Variants in JAZF1 observed in about 807,000 individuals in gnomAD.
JAZF1 encodes juxtaposed with another zinc finger protein 1.
JAZF1 carries 8 observed loss-of-function variants against 26.4 expected under a neutral mutation model. The observed-to-expected ratio is 0.30, with a 90% CI of 0.18 to 0.55. The LOEUF (loss-of-function observed/expected upper bound fraction) is 0.55, where lower values mean the gene tolerates loss of function less well. Ranked by LOEUF, JAZF1 falls within the 20% of genes least tolerant of loss-of-function variation. The pLI, the probability that JAZF1 is intolerant of heterozygous loss-of-function variation, is 0.94. For missense variants in JAZF1, 199 were observed against 322.0 expected (o/e 0.62, Z 2.92); for synonymous variants, 126 against 122.3 (o/e 1.03, Z -0.20).
At chr7:27,910,047 GTT>G (rs2128345008) in intron 2 of JAZF1, among the ~76,000 whole-genome samples, 1 of 152,314 alleles carries the variant, frequency 6.6e-6, no homozygotes, top group South Asian at 2.1e-4. Flanking sequence ...GAGGAGCACT[GTT>G]ATATAGAGTC....
chr7:27,936,050 G>C (rs768815768), intron 2 of JAZF1, among the ~76,000 whole-genome samples: 56 of 152,196 alleles, frequency 3.7e-4, no homozygotes, highest in Non-Finnish European at 6.3e-4. Context: ...ACCTCCCTGG[G>C]AAGTTCGAAA....
At chr7:27,913,474 G>A (rs1236514425) in intron 2 of JAZF1, 3 of 392,382 alleles carry the variant, frequency 7.6e-6, no homozygotes, top group Non-Finnish European at 1.6e-5. Context: ...AAGAGGGTGG[G>A]GAACAAAGAG....
chr7:28,045,093 G>C (rs1303954390), intron 1 of JAZF1, among the ~76,000 whole-genome samples: 6 of 149,860 alleles, frequency 4.0e-5, no homozygotes, highest in Non-Finnish European at 7.4e-5. Context: ...AGGAAGCCAG[G>C]AGGAAGGTGA....
At chr7:27,938,374 T>C (rs949009491) in intron 2 of JAZF1, among the ~76,000 whole-genome samples, 12 of 152,342 alleles carry the variant, frequency 7.9e-5, no homozygotes, top group Middle Eastern at 6.8e-3. Context: ...AAAGCATCTG[T>C]GTCTATGTTA....
intron 2 of JAZF1, among the ~76,000 whole-genome samples, chr7:27,912,483 C>T (rs769423916): frequency 3.7e-4 from 56 of 152,104 alleles, no homozygotes; most frequent in African/African-American, 1.3e-3. Flanking sequence ...TCCTATCGAA[C>T]GATAGGAGTC....
chr7:28,009,569 C>T (rs541956979), intron 1 of JAZF1, among the ~76,000 whole-genome samples: 8 of 151,986 alleles, frequency 5.3e-5, no homozygotes, highest in South Asian at 2.1e-4. Context: ...CTGCAACCTC[C>T]GCCTCCCAGG....
At chr7:28,044,510 C>T (rs1300807135) in intron 1 of JAZF1, among the ~76,000 whole-genome samples, 1 of 152,252 alleles carries the variant, frequency 6.6e-6, no homozygotes, top group Admixed American at 6.5e-5. Context: ...CTGCACTGTC[C>T]TAGCTGATGA....
rs1256099620 is a variant in JAZF1, at chr7:27,831,104, T to G, written c.*1696A>C. ...CTGGATCACCCTTTTAAACATAGGATAACACTGTATATTCAGGACCAAGAC... is the reference window on the plus strand; with the variant it reads ...CTGGATCACCCTTTTAAACATAGGAGAACACTGTATATTCAGGACCAAGAC... On this transcript the variant is annotated 3_prime_UTR_variant, in exon 5 of 5. Coordinates refer to ENST00000283928, the MANE Select transcript of JAZF1 (RefSeq NM_175061.4). 4.5e-6 allele frequency: 1 copy of G among 223,570 alleles called. No individual in the cohort carries two copies. The highest frequency in any genetic ancestry group is 6.5e-5 in the East Asian group (1 of 15,328). 13.8% of individuals were successfully genotyped at this position (223,570 alleles called of 1,614,324 possible).
At chr7:27,998,845 C>A (rs1267089527) in intron 1 of JAZF1, among the ~76,000 whole-genome samples, 2 of 152,358 alleles carry the variant, frequency 1.3e-5, no homozygotes, top group South Asian at 2.1e-4. Flanking sequence ...CCGGCTGCTG[C>A]AACCTTCCCT....
At chr7:27,906,038 T>C (rs1784250274) in intron 2 of JAZF1, among the ~76,000 whole-genome samples, 1 of 152,232 alleles carries the variant, frequency 6.6e-6, no homozygotes, top group African/African-American at 2.4e-5. Context: ...TTTTCTATTA[T>C]TATCATTGCG....
chr7:27,957,413 G>C (rs1015514978), intron 2 of JAZF1, among the ~76,000 whole-genome samples: 2 of 152,218 alleles, frequency 1.3e-5, no homozygotes, highest in Admixed American at 6.5e-5. Context: ...CCTCCAGGTA[G>C]TTCATCTAAG....
intron 1 of JAZF1, among the ~76,000 whole-genome samples, chr7:28,057,784 C>T (rs1271002164): frequency 1.3e-5 from 2 of 152,186 alleles, no homozygotes; most frequent in Non-Finnish European, 2.9e-5. Flanking sequence ...ATTTAAATCT[C>T]TGCCCTAACT....
At chr7:28,065,675 T>G (rs1028163151) in intron 1 of JAZF1, among the ~76,000 whole-genome samples, 7 of 152,182 alleles carry the variant, frequency 4.6e-5, no homozygotes, top group African/African-American at 1.7e-4. Context: ...CAAGGGTTAA[T>G]GTGATAGCTA....
At chr7:28,148,464 A>G (rs1783060859) in intron 1 of JAZF1, among the ~76,000 whole-genome samples, 1 of 152,204 alleles carries the variant, frequency 6.6e-6, no homozygotes, top group Non-Finnish European at 1.5e-5. Context: ...ATCCTCTCTC[A>G]TCATTACTCA....
intron 3 of JAZF1, among the ~76,000 whole-genome samples, chr7:27,858,662 A>G (rs1713480901): frequency 6.6e-6 from 1 of 152,230 alleles, no homozygotes; most frequent in Admixed American, 6.5e-5. Flanking sequence ...TGCTGTTGGG[A>G]AAACTGGCTA....
chr7:28,166,813 C>T (rs914896768), intron 1 of JAZF1, among the ~76,000 whole-genome samples: 8 of 152,162 alleles, frequency 5.3e-5, no homozygotes, highest in South Asian at 2.1e-4. Flanking sequence ...TGAATTCCTA[C>T]GACCACTCAG....
In JAZF1 at chr7:28,155,860, A is replaced by G. The variant is rs554513650; in HGVS notation, c.115+24603T>C. Among the ~76,000 whole-genome samples the G allele has an allele frequency of 1.4e-4, 21 of 152,350 alleles. No individual in the cohort carries two copies. In the South Asian group the frequency reaches 4.4e-3, roughly 32 times the overall value. On this transcript the variant is annotated intron_variant, in intron 1 of 4. Coordinates refer to ENST00000283928, the MANE Select transcript of JAZF1 (RefSeq NM_175061.4). Reference sequence around the variant, plus strand: ...ATTCTAACCCTGCTTCTTCCTGGGAAGATGATCTTGTGCAAATTAACCTCA... The same window carrying G: ...ATTCTAACCCTGCTTCTTCCTGGGAGGATGATCTTGTGCAAATTAACCTCA...
intron 1 of JAZF1, among the ~76,000 whole-genome samples, chr7:28,025,135 T>C (rs1783073082): frequency 6.6e-6 from 1 of 152,170 alleles, no homozygotes; most frequent in South Asian, 2.1e-4. Flanking sequence ...GTCCGTTGAG[T>C]GTCCAGGGCT....
intron 2 of JAZF1, among the ~76,000 whole-genome samples, chr7:27,921,728 T>C (rs999929979): frequency 2.0e-5 from 3 of 152,120 alleles, no homozygotes; most frequent in African/African-American, 7.2e-5. Flanking sequence ...CTCTGAACTG[T>C]TCACTTAAAA....
Sources: gnomAD v4.1 joint callset for allele counts (sites outside exome capture counted in the v4.1 genomes callset) on GRCh38, gnomAD v4.1.1 for gene constraint, MANE v1.5 for transcripts, NCBI Gene and HGNC (gene_info 2026-07-23, HGNC 2026-07-21) for gene names.